UPP2: variants seen among roughly 807,000 people sequenced by gnomAD.
UPP2 encodes the protein UPase 2.
UPP2 carries 23 observed loss-of-function variants against 26.7 expected under a neutral mutation model. That is an observed-to-expected ratio of 0.86 (90% CI 0.62 to 1.22). UPP2 has a LOEUF of 1.22. UPP2 is among the 50% of genes most tolerant of loss of function. The pLI is 0.00. For synonymous variants in UPP2, 127 were observed against 141.3 expected (o/e 0.90, Z 0.72); for missense variants, 387 against 396.7 (o/e 0.98, Z 0.21).
At position 158,069,627 on chromosome 2, in the gene UPP2, G is replaced by A. The variant is rs546352069; in HGVS notation, c.148-32413G>A. 1.6e-3 allele frequency among the ~76,000 whole-genome samples: 251 copies of A among 152,262 alleles called. 3 individuals are homozygous for A. Among genetic ancestry groups the A allele is most frequent in the Non-Finnish European group, 3.2e-4 (22 of 68,026 alleles). On this transcript the variant is annotated intron_variant, in intron 3 of 9. Coordinates refer to the UPP2 transcript ENST00000605860. ...TTTTGTAGCAGAATCTCTCTGGTGA[G>A]GCATGTCCCTATGAACAGCTCTCCC...
At chr2:158,115,314 G>C in intron 3 of UPP2, 55 bp downstream of exon 3, 1 of 1,490,888 alleles carries the variant, frequency 6.7e-7, no homozygotes, top group East Asian at 2.4e-5. Context: ...GAAAAAAGTG[G>C]GAACTTTTAC....
At chr2:158,033,536 ACTC>A (rs1209036769) in intron 3 of UPP2, among the ~76,000 whole-genome samples, 1 of 151,734 alleles carries the variant, frequency 6.6e-6, no homozygotes, top group Non-Finnish European at 1.5e-5. Flanking sequence ...GCCAGTGAGT[ACTC>A]CTCCTCTTTC....
chr2:158,015,747 T>C (rs568081921), intron 2 of UPP2: 28 of 452,050 alleles, frequency 6.2e-5, no homozygotes, highest in Non-Finnish European at 1.2e-4. Context: ...TTTGAAAGTG[T>C]GTGGCACTTA....
intron 3 of UPP2, among the ~76,000 whole-genome samples, chr2:158,086,641 C>T (rs2105198967): frequency 6.6e-6 from 1 of 152,190 alleles, no homozygotes; most frequent in Non-Finnish European, 1.5e-5. Flanking sequence ...TATGAACTTT[C>T]TTCTTATCAC....
chr2:158,013,016 T>A (rs1331952711), intron 2 of UPP2, among the ~76,000 whole-genome samples: 1 of 152,204 alleles, frequency 6.6e-6, no homozygotes, highest in African/African-American at 2.4e-5. Context: ...ATTATTATTT[T>A]TTTTTTTGAA....
At chr2:158,072,984 A>G (rs1574275551) in intron 3 of UPP2, among the ~76,000 whole-genome samples, 1 of 152,248 alleles carries the variant, frequency 6.6e-6, no homozygotes, top group South Asian at 2.1e-4. Flanking sequence ...CAAACTAAAT[A>G]AGGTACCATG....
chr2:157,997,710 GCTTTGAAATAGCCCAGCCAT>G (rs1161127119), intron 2 of UPP2, among the ~76,000 whole-genome samples: 1 of 152,158 alleles, frequency 6.6e-6, no homozygotes, highest in Admixed American at 6.5e-5. Flanking sequence ...AACTATTCCA[GCTTTGAAATAGCCCAGCCAT>G]TTCTGAGAGA....
At chr2:158,057,991 T>C (rs539467992) in intron 3 of UPP2, among the ~76,000 whole-genome samples, 1 of 152,210 alleles carries the variant, frequency 6.6e-6, no homozygotes, top group East Asian at 1.9e-4. Flanking sequence ...ACTAGTGTGC[T>C]TCTTATAAGA....
At chr2:158,041,868 G>A (rs746947125) in intron 3 of UPP2, among the ~76,000 whole-genome samples, 37 of 152,138 alleles carry the variant, frequency 2.4e-4, no homozygotes, top group Non-Finnish European at 4.9e-4. Flanking sequence ...TTTGATTGGG[G>A]ACCAAATTCT....
upstream of UPP2, among the ~76,000 whole-genome samples, chr2:158,097,687 G>A (rs1323105378): frequency 6.6e-6 from 1 of 152,104 alleles, no homozygotes; most frequent in Non-Finnish European, 1.5e-5. Context: ...CCAACCCTCG[G>A]GGGAAGGTAT....
chr2:158,033,423 T>C (rs1683954412), intron 3 of UPP2, among the ~76,000 whole-genome samples: 1 of 152,156 alleles, frequency 6.6e-6, no homozygotes, highest in Admixed American at 6.5e-5. Flanking sequence ...GGGGTGCTCT[T>C]ATGACTGCAG....
At chr2:158,088,983 C>G (rs1307893724) in intron 3 of UPP2, among the ~76,000 whole-genome samples, 1 of 152,126 alleles carries the variant, frequency 6.6e-6, no homozygotes, top group Non-Finnish European at 1.5e-5. Context: ...GTGGTGCTTT[C>G]AAGAGAGCAT....
At chr2:158,012,185 G>A (rs1015761347) in intron 2 of UPP2, among the ~76,000 whole-genome samples, 9 of 151,268 alleles carry the variant, frequency 5.9e-5, no homozygotes, top group African/African-American at 2.2e-4. Flanking sequence ...ATCACTCTGA[G>A]GAAAAGAGAA....
intron 3 of UPP2, among the ~76,000 whole-genome samples, chr2:158,084,391 G>A (rs1682779995): frequency 6.6e-6 from 1 of 151,840 alleles, no homozygotes; most frequent in South Asian, 2.1e-4. Flanking sequence ...ATAGATTCAG[G>A]AAATTAGTCC....
At chr2:158,041,558 A>G (rs1243216887) in intron 3 of UPP2, among the ~76,000 whole-genome samples, 1 of 152,240 alleles carries the variant, frequency 6.6e-6, no homozygotes, top group Non-Finnish European at 1.5e-5. Context: ...CATCTTTTGT[A>G]GGATATGCAA....
At chr2:158,079,592 A>C (rs537272386) in intron 3 of UPP2, among the ~76,000 whole-genome samples, 13 of 152,306 alleles carry the variant, frequency 8.5e-5, no homozygotes, top group African/African-American at 3.1e-4. Context: ...AAGGCGATTA[A>C]ATCATACTAA....
chr2:158,085,159 G>C (rs906868089), intron 3 of UPP2, among the ~76,000 whole-genome samples: 1 of 151,872 alleles, frequency 6.6e-6, no homozygotes, highest in Non-Finnish European at 1.5e-5. Flanking sequence ...TTTTGTCTAT[G>C]ATTTTTTTCA....
At chr2:158,009,684 A>C (rs1381331338) in intron 2 of UPP2, among the ~76,000 whole-genome samples, 3 of 152,202 alleles carry the variant, frequency 2.0e-5, no homozygotes, top group African/African-American at 7.2e-5. Context: ...CGCAACGCAG[A>C]CTGGACTGTG....
intron 3 of UPP2, among the ~76,000 whole-genome samples, chr2:158,066,462 C>A (rs946141382): frequency 6.6e-6 from 1 of 152,168 alleles, no homozygotes; most frequent in African/African-American, 2.4e-5. Context: ...TAGTACCATA[C>A]AGAACTAAAA....
Sources: gnomAD v4.1 joint callset for allele counts (sites outside exome capture counted in the v4.1 genomes callset) on GRCh38, gnomAD v4.1.1 for gene constraint, MANE v1.5 for transcripts, NCBI Gene and HGNC (gene_info 2026-07-23, HGNC 2026-07-21) for gene names.